Variants in C4BPA observed in about 807,000 individuals in gnomAD.
C4BPA encodes complement component 4 binding protein alpha.
In C4BPA, 31 loss-of-function variants were observed where a neutral mutation model predicts 63.7. The observed-to-expected ratio is 0.49, with a 90% CI of 0.37 to 0.66. The LOEUF is 0.66. C4BPA is among the 30% of genes least tolerant of loss of function. The probability of loss-of-function intolerance (pLI) is 0.00; values close to 1 mark genes in which losing one functional copy is unlikely to be tolerated. For synonymous variants in C4BPA, 259 were observed against 254.7 expected (o/e 1.02, Z -0.16); for missense variants, 572 against 723.3 (o/e 0.79, Z 2.40).
chr1:207,120,607 A>G (rs562766653), intron 4 of C4BPA, among the ~76,000 whole-genome samples: 1 of 152,310 alleles, frequency 6.6e-6, no homozygotes, highest in Admixed American at 6.5e-5. Context: ...CTAAAGAATA[A>G]AAAAATTTAA....
At chr1:207,129,529 T>G (rs527540585) in intron 7 of C4BPA, among the ~76,000 whole-genome samples, 1 of 151,420 alleles carries the variant, frequency 6.6e-6, no homozygotes, top group Non-Finnish European at 1.5e-5. Flanking sequence ...GACATTATAA[T>G]CAAAATGTTG....
chr1:207,114,318 T>G (rs1415053863), intron 3 of C4BPA, 33 bp downstream of exon 3: 85 of 1,522,930 alleles, frequency 5.6e-5, no homozygotes, highest in Non-Finnish European at 7.2e-5. Context: ...TTCCTTTGCT[T>G]TTCCTATCTT....
intron 7 of C4BPA, among the ~76,000 whole-genome samples, chr1:207,129,758 AT>A (rs907162619): frequency 2.6e-5 from 4 of 152,148 alleles, no homozygotes; most frequent in African/African-American, 9.7e-5. Context: ...TGCACAATAA[AT>A]TTTTATAATT....
At chr1:207,106,775 G>T (rs1684571536) in intron 1 of C4BPA, among the ~76,000 whole-genome samples, 1 of 152,118 alleles carries the variant, frequency 6.6e-6, no homozygotes, top group South Asian at 2.1e-4. Context: ...TTAAATTCTG[G>T]TGCTCAAATT....
intron 3 of C4BPA, among the ~76,000 whole-genome samples, 200 bp downstream of exon 3, chr1:207,114,485 CTTTTTTTTTTTTT>C: frequency 1.7e-5 from 1 of 59,538 alleles, no homozygotes. Flanking sequence ...TAACTCTGTT[CTTTTTTTTTTTTT>C]TTTTTTTTTT....
intron 1 of C4BPA, among the ~76,000 whole-genome samples, chr1:207,106,197 G>C: frequency 6.6e-6 from 1 of 152,132 alleles, no homozygotes. Flanking sequence ...GGGACCACCA[G>C]GAGTAGTTAT....
chr1:207,134,803 C>T (rs182428514), intron 9 of C4BPA, among the ~76,000 whole-genome samples: 1 of 152,304 alleles, frequency 6.6e-6, no homozygotes, highest in East Asian at 1.9e-4. Context: ...AAATAGACAA[C>T]ATGTAATAAA....
chr1:207,109,106 G>A (rs113000024), intron 1 of C4BPA, among the ~76,000 whole-genome samples: 9,257 of 152,142 alleles, frequency 0.061, 810 homozygotes, highest in African/African-American at 0.19. Context: ...GGAAGACAAA[G>A]CCCCAGGACA....
chr1:207,133,730 C>G (rs1427915112), intron 8 of C4BPA, among the ~76,000 whole-genome samples: 1 of 152,150 alleles, frequency 6.6e-6, no homozygotes, highest in Non-Finnish European at 1.5e-5. Context: ...GCCCTGTACT[C>G]CAGCCTAAGT....
chr1:207,126,684 TC>T, intron 6 of C4BPA, 28 bp from the exon 7 acceptor site: 1 of 1,566,524 alleles, frequency 6.4e-7, no homozygotes, highest in Non-Finnish European at 8.8e-7. Flanking sequence ...TCTTTTAAAA[TC>T]CACTTGTCTT....
chr1:207,128,910 T>C (rs973950831), intron 7 of C4BPA, among the ~76,000 whole-genome samples: 2 of 151,820 alleles, frequency 1.3e-5, no homozygotes, highest in African/African-American at 4.8e-5. Context: ...GAGTGACCCA[T>C]GTAAAGGGAA....
rs181292640 is a variant in C4BPA, at chr1:207,105,295, C to T, written c.-26+865C>T. 2.6e-3 allele frequency among the ~76,000 whole-genome samples: 398 copies of T among 152,238 alleles called. 3 individuals carry two copies. Among genetic ancestry groups the T allele is most frequent in the African/African-American group, 8.9e-3 (370 of 41,524 alleles). On this transcript the variant is annotated intron_variant, in intron 1 of 11. Coordinates refer to ENST00000367070, the MANE Select transcript of C4BPA (RefSeq NM_000715.4). ...AGATTTGGCCAGGTACGGTGGCTCA[C>T]TCCTGTAATCCCAGCACTTTGGGAG...
intron 1 of C4BPA, among the ~76,000 whole-genome samples, chr1:207,105,575 A>AG (rs1229275734): frequency 1.3e-4 from 18 of 140,872 alleles, no homozygotes; most frequent in Non-Finnish European, 2.1e-4. Flanking sequence ...AAAAAAAAAG[A>AG]AAAAAAAAAG....
chr1:207,141,711 T>C (rs1021207035), intron 10 of C4BPA, among the ~76,000 whole-genome samples: 4 of 152,062 alleles, frequency 2.6e-5, no homozygotes, highest in Middle Eastern at 3.2e-3. Flanking sequence ...TGCTATGATA[T>C]AGATGGTGTG....
At chr1:207,138,950 T>C (rs1459497968) in intron 9 of C4BPA, among the ~76,000 whole-genome samples, 1 of 152,232 alleles carries the variant, frequency 6.6e-6, no homozygotes, top group Non-Finnish European at 1.5e-5. Flanking sequence ...ATCATCATGC[T>C]AATACCTCTT....
intron 4 of C4BPA, 43 bp downstream of exon 4, chr1:207,115,558 T>C (rs1211556785): frequency 9.6e-7 from 1 of 1,038,592 alleles, no homozygotes. Flanking sequence ...TATATTTATT[T>C]AAAAAATAGC....
At chr1:207,113,379 T>C (rs1284830712) in intron 2 of C4BPA, among the ~76,000 whole-genome samples, 1 of 152,182 alleles carries the variant, frequency 6.6e-6, no homozygotes, top group African/African-American at 2.4e-5. Context: ...TTTTTATTTC[T>C]CCAGGAAAGA....
At chr1:207,141,475 C>T (rs930413072) in intron 10 of C4BPA, among the ~76,000 whole-genome samples, 199 bp downstream of exon 10, 1 of 152,232 alleles carries the variant, frequency 6.6e-6, no homozygotes, top group Non-Finnish European at 1.5e-5. Context: ...CCATTTCTTT[C>T]TCCCAATCAC....
chr1:207,142,916 A>G (rs886426940), intron 10 of C4BPA, among the ~76,000 whole-genome samples: 7 of 152,092 alleles, frequency 4.6e-5, no homozygotes, highest in African/African-American at 1.7e-4. Context: ...ACCATTGTGG[A>G]AGACAGTGTG....
Sources: gnomAD v4.1 joint callset for allele counts (sites outside exome capture counted in the v4.1 genomes callset) on GRCh38, gnomAD v4.1.1 for gene constraint, MANE v1.5 for transcripts, NCBI Gene and HGNC (gene_info 2026-07-23, HGNC 2026-07-21) for gene names.